Variants in COL12A1 observed in about 807,000 individuals in gnomAD.
COL12A1 encodes collagen alpha-1(XII) chain.
COL12A1 carries 114 observed loss-of-function variants against 349.7 expected under a neutral mutation model. The ratio of observed to expected loss-of-function variants is 0.33; its 90% CI spans 0.28 to 0.38. The LOEUF is 0.38. Ranked by LOEUF, COL12A1 falls within the 10% of genes least tolerant of loss-of-function variation. The probability of loss-of-function intolerance (pLI) is 1.00; values close to 1 mark genes in which losing one functional copy is unlikely to be tolerated. For synonymous variants in COL12A1, 1,369 were observed against 1,329.0 expected, an observed-to-expected ratio of 1.03 and a Z score of -0.66; for missense variants, 3,284 against 3,756.9, an observed-to-expected ratio of 0.87 and a Z score of 3.29.
At chr6:75,098,148 A>C (rs1030452393) in intron 58 of COL12A1, among the ~76,000 whole-genome samples, 1 of 152,224 alleles carries the variant, frequency 6.6e-6, no homozygotes, top group African/African-American at 2.4e-5. Flanking sequence ...ATCTAAGAAT[A>C]TACATTAAAC....
At chr6:75,134,881 T>G in intron 31 of COL12A1, 26 bp from the exon 32 acceptor site, 1 of 1,604,328 alleles carries the variant, frequency 6.2e-7, no homozygotes. Flanking sequence ...TCTTGGTAAG[T>G]GTCAGCCTTG....
At chr6:75,115,199 G>A (rs1006494964) in intron 49 of COL12A1, among the ~76,000 whole-genome samples, 6 of 151,892 alleles carry the variant, frequency 4.0e-5, no homozygotes, top group African/African-American at 1.5e-4. Flanking sequence ...TCCATAAATT[G>A]GCAAACATAT....
Position 75,189,812 on chromosome 6 carries a change from C to T in COL12A1, c.398G>A (p.Cys133Tyr), listed in dbSNP as rs771565877. The T allele has an allele frequency of 1.2e-6, 2 of 1,611,060 alleles. No homozygotes were observed. The highest frequency in any genetic ancestry group is 1.7e-6 in the Non-Finnish European group (2 of 1,178,072). ...CAAATCAGTCCAGGCACTGACAGAG[C>T]ATTCTGAAATACATTTGATATCTTT... ...KKPGKTEIQK[C>Y]SVSAWTDLVF... Residue 133 changes from cysteine to tyrosine, a missense_variant, in exon 6 of 66, where the codon TGC becomes TAC. Around this residue, in one of 2 missense-constraint regions of COL12A1, gnomAD observed 2,601 missense variants for 2,824.8 expected, o/e 0.92. Transcript: ENST00000322507.
chr6:75,112,833 A>G (rs1198475846), intron 51 of COL12A1, among the ~76,000 whole-genome samples: 1 of 151,636 alleles, frequency 6.6e-6, no homozygotes, highest in Non-Finnish European at 1.5e-5. Flanking sequence ...CTTTTCAATA[A>G]AAAGCAAGCA....
At chr6:75,138,423 T>A in intron 29 of COL12A1, 25 bp downstream of exon 29, 1 of 1,609,406 alleles carries the variant, frequency 6.2e-7, no homozygotes, top group Non-Finnish European at 8.5e-7. Flanking sequence ...AATATCAATG[T>A]CCTATTTGAA....
At chr6:75,165,851 C>T in intron 13 of COL12A1, 72 bp from the exon 14 acceptor site, 2 of 1,432,552 alleles carry the variant, frequency 1.4e-6, no homozygotes, top group Non-Finnish European at 1.9e-6. Context: ...ATTCATTGAT[C>T]CTGGTAGAGA....
At chr6:75,182,291 A>G (rs240413) in intron 10 of COL12A1, among the ~76,000 whole-genome samples, 131,202 of 151,718 alleles carry the variant, frequency 0.86, 57,236 homozygotes, top group Non-Finnish European at 0.93. Context: ...TACATGTGCC[A>G]TGGTGGTTTG....
At chr6:75,131,128 G>T in intron 35 of COL12A1, 147 bp from the exon 36 acceptor site, 1 of 1,058,608 alleles carries the variant, frequency 9.4e-7, no homozygotes, top group Non-Finnish European at 1.3e-6. Context: ...GATCCACCCA[G>T]ACCATATCAT....
In COL12A1 at chr6:75,085,472, T is replaced by A; in HGVS notation, c.*1075A>T. ...CGGTGATGGCACTCCAGTCTTAATCTCATAACTATAAATAGATAAGTTACA... is the reference window on the plus strand; with the variant it reads ...CGGTGATGGCACTCCAGTCTTAATCACATAACTATAAATAGATAAGTTACA... On this transcript the variant is annotated 3_prime_UTR_variant, in exon 66 of 66. Transcript: ENST00000322507. 1 of 385,840 alleles carries A rather than the reference T, an allele frequency of 2.6e-6. No homozygotes were observed. Among genetic ancestry groups the A allele is most frequent in the Admixed American group, 2.9e-5 (1 of 34,744 alleles). The allele number at this position is 385,840 out of a possible 1,614,324, so 23.9% of individuals were successfully genotyped here.
At chr6:75,137,160 T>C (rs1375537674) in intron 31 of COL12A1, among the ~76,000 whole-genome samples, 2 of 152,166 alleles carry the variant, frequency 1.3e-5, no homozygotes, top group Non-Finnish European at 2.9e-5. Flanking sequence ...CCAGCACTAA[T>C]AGTTTTTAAA....
In COL12A1 at chr6:75,189,377, A is replaced by T; in HGVS notation, c.663T>A (p.Asp221Glu). 1 of 1,612,522 alleles carries T rather than the reference A, an allele frequency of 6.2e-7. No homozygotes were observed. Among genetic ancestry groups the T allele is most frequent in the Non-Finnish European group, 8.5e-7 (1 of 1,179,288 alleles). Reference sequence around the variant, plus strand: ...TATTTTTAACTAAATAATCAATGGCATCCCCTAAAGGGAAAAGAAACATGT... The same window carrying T: ...TATTTTTAACTAAATAATCAATGGCTTCCCCTAAAGGGAAAAGAAACATGT... ...PYKGGNTMTG[D>E]AIDYLVKNTF... The change falls in exon 7 of 66, where the codon GAT (aspartate) becomes GAA (glutamate). Residue 221 changes from aspartate to glutamate, a missense_variant. By Grantham distance (45) the Asp-to-Glu change is conservative. This residue lies in a region of COL12A1 where 2,601 missense variants were observed against 2,824.8 expected (regional missense o/e 0.92). Coordinates refer to ENST00000322507, the MANE Select transcript of COL12A1 (RefSeq NM_004370.6).
At chr6:75,105,367 A>T in intron 53 of COL12A1, 75 bp from the exon 54 acceptor site, 2 of 957,204 alleles carry the variant, frequency 2.1e-6, no homozygotes, top group Non-Finnish European at 3.3e-6. Context: ...CCCCACTTAC[A>T]TGCACAAGGA....
chr6:75,139,510 C>T (rs146092955), intron 27 of COL12A1, among the ~76,000 whole-genome samples: 96 of 152,248 alleles, frequency 6.3e-4, no homozygotes, highest in Middle Eastern at 3.4e-3. Flanking sequence ...TTTTTAAAAA[C>T]ACACATACCA....
chr6:75,124,068 G>C lies in COL12A1; in HGVS notation c.6751C>G (p.Arg2251Gly), dbSNP rs754290184. 3.1e-6 allele frequency: 5 copies of C among 1,613,502 alleles called. No homozygotes were observed. In the African/African-American group the frequency reaches 5.3e-5, roughly 17 times the overall value. The change falls in exon 42 of 66, where the codon CGT (arginine) becomes GGT (glycine). Residue 2251 changes from arginine (R) to glycine (G), a missense_variant. Arg to Gly is a moderately radical substitution (Grantham distance 125). Transcript: ENST00000322507. ...DGTRGQEITVRGSETSHCFTG... is the reference protein window; with the variant it reads ...DGTRGQEITVGGSETSHCFTG... ...AAGCAGTGACTGGTTTCTGATCCAC[G>C]CACTGTAATTTCTTGTCCCCTTGTT...
chr6:75,151,109 G>T (rs1431491775), intron 21 of COL12A1, 32 bp downstream of exon 21: 2 of 1,447,966 alleles, frequency 1.4e-6, no homozygotes, highest in Non-Finnish European at 1.9e-6. Context: ...TACCAGCAGT[G>T]CTGAGGGAGA....
intron 26 of COL12A1, 69 bp downstream of exon 26, chr6:75,143,183 G>C (rs1339169876): frequency 1.3e-6 from 2 of 1,562,774 alleles, no homozygotes; most frequent in Non-Finnish European, 1.7e-6. Flanking sequence ...ATCCATACTT[G>C]ATAAAGTTCT....
chr6:75,124,174 C>G (rs1415915146), intron 41 of COL12A1, 80 bp from the exon 42 acceptor site: 1 of 1,593,378 alleles, frequency 6.3e-7, no homozygotes, highest in Non-Finnish European at 8.6e-7. Context: ...TTGTTATAAA[C>G]AAAATGGCAT....
chr6:75,142,311 G>C, intron 26 of COL12A1, 150 bp from the exon 27 acceptor site: 1 of 890,766 alleles, frequency 1.1e-6, no homozygotes, highest in Non-Finnish European at 1.7e-6. Flanking sequence ...TCCAGAAACT[G>C]GACACAGTTT....
intron 2 of COL12A1, among the ~76,000 whole-genome samples, chr6:75,199,566 C>T (rs550356376): frequency 6.6e-6 from 1 of 152,034 alleles, no homozygotes; most frequent in Non-Finnish European, 1.5e-5. Flanking sequence ...AGAAAAGTGC[C>T]CAGTTCTCAG....
Sources: allele counts gnomAD v4.1 joint callset (sites outside exome capture counted in the v4.1 genomes callset), GRCh38; gene constraint gnomAD v4.1.1; regional missense constraint gnomAD v4.1.1; transcripts MANE v1.5; gene names NCBI Gene and HGNC (gene_info 2026-07-23, HGNC 2026-07-21).